Variants in PTDSS1 observed in about 807,000 individuals in gnomAD.
PTDSS1 encodes the protein PSS-1.
In PTDSS1, 45 loss-of-function variants were observed where a neutral mutation model predicts 70.5. The ratio of observed to expected loss-of-function variants is 0.64; its 90% confidence interval spans 0.50 to 0.82. PTDSS1 has a LOEUF of 0.82. PTDSS1 is among the 40% of genes least tolerant of loss of function. The probability of loss-of-function intolerance (pLI) is 0.00; values close to 1 mark genes in which losing one functional copy is unlikely to be tolerated. For synonymous variants in PTDSS1, 188 were observed against 203.8 expected (o/e 0.92, Z 0.66); for missense variants, 417 against 586.1 (o/e 0.71, Z 2.98).
intron 9 of PTDSS1, among the ~76,000 whole-genome samples, chr8:96,310,994 GA>G: frequency 6.6e-6 from 1 of 151,922 alleles, no homozygotes; most frequent in African/African-American, 2.4e-5. Context: ...TCGATTTCTT[GA>G]ACCTCGTGAT....
At chr8:96,321,470 A>G (rs537272601) in intron 10 of PTDSS1, among the ~76,000 whole-genome samples, 3 of 152,292 alleles carry the variant, frequency 2.0e-5, no homozygotes, top group South Asian at 2.1e-4. Flanking sequence ...CTCTGAATCC[A>G]TAGGTTTTCC....
At chr8:96,317,345 G>A (rs143612836) in intron 9 of PTDSS1, among the ~76,000 whole-genome samples, 81 of 152,028 alleles carry the variant, frequency 5.3e-4, no homozygotes, top group African/African-American at 1.8e-3. Context: ...CATGAGATGT[G>A]CCCACACACA....
chr8:96,309,659 T>A, intron 9 of PTDSS1, 37 bp downstream of exon 9: 2 of 1,603,126 alleles, frequency 1.2e-6, no homozygotes, highest in Non-Finnish European at 1.7e-6. Context: ...TAAAAACCAC[T>A]TAAGCCCTAA....
intron 2 of PTDSS1, among the ~76,000 whole-genome samples, chr8:96,275,471 C>T (rs1222512569): frequency 6.6e-6 from 1 of 152,206 alleles, no homozygotes; most frequent in Non-Finnish European, 1.5e-5. Context: ...TCCCTGACGT[C>T]AAACAGCTTT....
chr8:96,312,803 A>G (rs1811231111), intron 9 of PTDSS1, among the ~76,000 whole-genome samples: 1 of 152,180 alleles, frequency 6.6e-6, no homozygotes, highest in African/African-American at 2.4e-5. Context: ...CAGGAGCCAC[A>G]GCCTCCTGCT....
chr8:96,297,089 T>C (rs1256964309), intron 5 of PTDSS1, among the ~76,000 whole-genome samples: 1 of 152,238 alleles, frequency 6.6e-6, no homozygotes, highest in Non-Finnish European at 1.5e-5. Context: ...TCAGAATTGC[T>C]TGTCTCTTCA....
chr8:96,319,815 A>G (rs1397007450), intron 9 of PTDSS1, among the ~76,000 whole-genome samples: 1 of 152,178 alleles, frequency 6.6e-6, no homozygotes, highest in African/African-American at 2.4e-5. Flanking sequence ...GGTAGGAGGT[A>G]TAGGAGGCAG....
chr8:96,262,138 C>T lies in PTDSS1; in HGVS notation c.98C>T (p.Thr33Ile), dbSNP rs751925742. The change falls in exon 1 of 13, where the codon ACC becomes ATC. Residue 33 changes from threonine to isoleucine, a missense_variant. Transcript: ENST00000517309. This position sits in a 1 kb window ranked among gnomAD's most constrained non-coding sequence, Gnocchi z 4.4. ...AACGAGCAGCAAGTGGAGGACATCA[C>T]CATTGACTTCTTCTACCGGCCGCAT... ...MINEQQVEDI[T>I]IDFFYRPHTI... 1 of 1,613,968 alleles carries T rather than the reference C, an allele frequency of 6.2e-7. No individual in the cohort carries two copies. Among genetic ancestry groups the T allele is most frequent in the East Asian group, 2.2e-5 (1 of 44,860 alleles).
At chr8:96,285,693 C>T (rs1398871661) in intron 3 of PTDSS1, among the ~76,000 whole-genome samples, 1 of 151,978 alleles carries the variant, frequency 6.6e-6, no homozygotes, top group African/African-American at 2.4e-5. Context: ...ATAGATAGAC[C>T]CATTCCCTAT....
intron 5 of PTDSS1, among the ~76,000 whole-genome samples, chr8:96,297,337 C>T (rs752167437): frequency 1.1e-4 from 16 of 152,144 alleles, no homozygotes; most frequent in Non-Finnish European, 2.4e-4. Context: ...TGCCACCACA[C>T]CCAGCTAACT....
intron 2 of PTDSS1, chr8:96,283,758 G>T (rs73271844): frequency 0.03 from 6,077 of 204,504 alleles, 376 homozygotes; most frequent in African/African-American, 0.13. Context: ...CATTTTACTT[G>T]TTAAGGTACA....
At chr8:96,309,438 C>T (rs989749298) in intron 8 of PTDSS1, 119 bp from the exon 9 acceptor site, 3 of 800,866 alleles carry the variant, frequency 3.7e-6, no homozygotes, top group Non-Finnish European at 6.3e-6. Flanking sequence ...CAGAACTAGA[C>T]CAGGCAGCCT....
chr8:96,322,796 G>A (rs1379235327), intron 10 of PTDSS1, among the ~76,000 whole-genome samples: 1 of 152,162 alleles, frequency 6.6e-6, no homozygotes, highest in Non-Finnish European at 1.5e-5. Context: ...GACAGTCAAG[G>A]CACAATTCGT....
chr8:96,294,835 TA>T (rs1810952600), intron 4 of PTDSS1, among the ~76,000 whole-genome samples: 1 of 152,222 alleles, frequency 6.6e-6, no homozygotes, highest in African/African-American at 2.4e-5. Context: ...TTCTTTAGGA[TA>T]TGTTGAGCCT....
rs980569721 is a variant in PTDSS1, at chr8:96,336,145, T to C, written c.*2579T>C. On this transcript the variant is annotated 3_prime_UTR_variant, in exon 13 of 13. Transcript: ENST00000517309. Reference sequence around the variant, plus strand: ...ATGCTAGGATGTTTCATGGACCTGTTAAGCATTTTGATGATACAAGACATC... The same window carrying C: ...ATGCTAGGATGTTTCATGGACCTGTCAAGCATTTTGATGATACAAGACATC... 1 of 152,024 alleles carries C rather than the reference T, an allele frequency of 6.6e-6. No individual in the cohort carries two copies. The highest frequency in any genetic ancestry group is 1.5e-5 in the Non-Finnish European group (1 of 68,034). 9.4% of individuals were successfully genotyped at this position (152,024 alleles called of 1,614,324 possible).
rs1348007073 is a variant in PTDSS1 at position 96,262,107 on chromosome 8, A to G, written c.67A>G (p.Met23Val). The G allele has an allele frequency of 1.2e-6, 2 of 1,613,884 alleles. No homozygotes were observed. The highest frequency in any genetic ancestry group is 1.7e-6 in the Non-Finnish European group (2 of 1,179,830). Reference protein sequence around the residue: ...DDVNYKMHFRMINEQQVEDIT... With the variant: ...DDVNYKMHFRVINEQQVEDIT... The stretch of plus-strand genomic sequence containing the variant: ...TGTGAACTACAAAATGCATTTCCGG[A>G]TGATCAACGAGCAGCAAGTGGAGGA... Residue 23 changes from methionine to valine, a missense_variant, in exon 1 of 13, where the codon ATG becomes GTG. By Grantham distance (21) the Met-to-Val change is conservative (BLOSUM62 1). Transcript: ENST00000517309. This position sits in a 1 kb window ranked among gnomAD's most constrained non-coding sequence, Gnocchi z 4.4.
At chr8:96,296,969 G>C (rs751229164) in intron 5 of PTDSS1, among the ~76,000 whole-genome samples, 9 of 152,174 alleles carry the variant, frequency 5.9e-5, no homozygotes, top group Non-Finnish European at 8.8e-5. Context: ...CCCAGTGCCT[G>C]TGGTCACCAG....
Position 96,333,808 on chromosome 8 carries a change from G to C in PTDSS1, c.*242G>C, listed in dbSNP as rs1447755590. ...CTCTTCTAACTTCAGCACTTGACATGCGGTCACCGGTGGCAGCGCGGTGTG... is the reference window on the plus strand; with the variant it reads ...CTCTTCTAACTTCAGCACTTGACATCCGGTCACCGGTGGCAGCGCGGTGTG... On this transcript the variant is annotated 3_prime_UTR_variant, in exon 13 of 13. Transcript: ENST00000517309. The C allele has an allele frequency of 2.9e-6, 2 of 694,096 alleles. No individual in the cohort carries two copies. Among genetic ancestry groups the C allele is most frequent in the African/African-American group, 3.5e-5 (2 of 56,714 alleles). 43.0% of individuals were successfully genotyped at this position (694,096 alleles called of 1,614,324 possible). A position where few individuals can be genotyped will look rare whatever the true frequency, so the allele number is the denominator to read the frequency against.
At chr8:96,303,278 G>A (rs1377303971) in intron 6 of PTDSS1, among the ~76,000 whole-genome samples, 1 of 152,006 alleles carries the variant, frequency 6.6e-6, no homozygotes, top group African/African-American at 2.4e-5. Context: ...TTCTCAATAC[G>A]AGTTTGTTGG....
Sources: gnomAD v4.1 joint callset for allele counts (sites outside exome capture counted in the v4.1 genomes callset) on GRCh38, gnomAD v4.1.1 for gene constraint, Gnocchi (gnomAD v3.1) non-coding constraint, MANE v1.5 for transcripts, NCBI Gene and HGNC (gene_info 2026-07-23, HGNC 2026-07-21) for gene names.